The following PPARG variants were observed in gnomAD, a reference collection of about 807,000 sequenced individuals.
PPARG encodes the protein peroxisome proliferator activated receptor gamma.
A neutral mutation model predicts 39.2 loss-of-function variants in PPARG; 17 were observed. That is an observed-to-expected ratio of 0.43 (90% CI 0.30 to 0.65). The LOEUF is 0.65. PPARG is among the 30% of genes least tolerant of loss of function. The pLI, the probability that PPARG is intolerant of heterozygous loss-of-function variation, is 0.13. For synonymous variants in PPARG, 223 were observed against 215.7 expected (o/e 1.03, Z -0.30); for missense variants, 406 against 585.9 (o/e 0.69, Z 3.17).
intron 1 of PPARG, among the ~76,000 whole-genome samples, chr3:12,305,280 A>G (rs1348879925): frequency 6.6e-6 from 1 of 152,180 alleles, no homozygotes; most frequent in Non-Finnish European, 1.5e-5. Flanking sequence ...CACATGATCA[A>G]ATAGGGATTT....
intron 2 of PPARG, among the ~76,000 whole-genome samples, chr3:12,330,251 C>T (rs2047815576): frequency 6.8e-6 from 1 of 148,062 alleles, no homozygotes; most frequent in Non-Finnish European, 1.5e-5. Context: ...TGCATTCCCA[C>T]TGCAATATAT....
chr3:12,406,227 T>G, intron 6 of PPARG, 146 bp downstream of exon 6: 1 of 832,442 alleles, frequency 1.2e-6, no homozygotes, highest in Non-Finnish European at 2.0e-6. Context: ...AGGCTGAGTC[T>G]GAAACGCAGG....
intron 2 of PPARG, among the ~76,000 whole-genome samples, chr3:12,377,658 T>A (rs996984446): frequency 6.6e-6 from 1 of 152,146 alleles, no homozygotes; most frequent in African/African-American, 2.4e-5. Context: ...ATAGCAAAAA[T>A]TTCATCCTAA....
At chr3:12,290,292 A>G (rs529579329) in intron 1 of PPARG, among the ~76,000 whole-genome samples, 1 of 152,216 alleles carries the variant, frequency 6.6e-6, no homozygotes, top group South Asian at 2.1e-4. Context: ...GTTTTGTAGA[A>G]TCCCAGGCTG....
At chr3:12,407,493 T>C (rs2050713893) in intron 6 of PPARG, among the ~76,000 whole-genome samples, 1 of 152,092 alleles carries the variant, frequency 6.6e-6, no homozygotes, top group Non-Finnish European at 1.5e-5. Flanking sequence ...AGGGTTTGGC[T>C]TTGATTCTGA....
chr3:12,375,245 G>GGAGAGA (rs141166078), intron 2 of PPARG, among the ~76,000 whole-genome samples: 4 of 147,922 alleles, frequency 2.7e-5, no homozygotes, highest in African/African-American at 9.9e-5. Context: ...TGGGGAGGTG[G>GGAGAGA]GAGAGAGAGA....
chr3:12,352,388 G>A (rs1048863201), intron 2 of PPARG, among the ~76,000 whole-genome samples: 3 of 152,186 alleles, frequency 2.0e-5, no homozygotes, highest in African/African-American at 4.8e-5. Context: ...CTCTTCAGAT[G>A]TGTCAGAATC....
At chr3:12,390,726 G>T (rs932132915) in intron 4 of PPARG, among the ~76,000 whole-genome samples, 1 of 139,428 alleles carries the variant, frequency 7.2e-6, no homozygotes, top group African/African-American at 2.7e-5. Flanking sequence ...GCTTACTGCA[G>T]TTAGACCTCC....
At chr3:12,384,942 A>G (rs1167673099) in intron 4 of PPARG, among the ~76,000 whole-genome samples, 3 of 152,112 alleles carry the variant, frequency 2.0e-5, no homozygotes, top group African/African-American at 7.2e-5. Flanking sequence ...AAAAGAGTAA[A>G]GGGATCTTGC....
At chr3:12,400,261 T>C (rs982266189) in intron 5 of PPARG, among the ~76,000 whole-genome samples, 8 of 152,266 alleles carry the variant, frequency 5.3e-5, no homozygotes, top group African/African-American at 1.4e-4. Flanking sequence ...AGCATTTGTC[T>C]TTAATGCTTC....
Position 12,434,288 on chromosome 3 carries a change from T to C in PPARG, c.*143T>C, listed in dbSNP as rs1215414147. The C allele has an allele frequency of 4.7e-6, 5 of 1,054,484 alleles. No individual in the cohort carries two copies. The highest frequency in any genetic ancestry group is 7.0e-6 in the Non-Finnish European group (5 of 718,000). The allele number at this position is 1,054,484 out of a possible 1,614,324, so 65.3% of individuals were successfully genotyped here. A position where few individuals can be genotyped will look rare whatever the true frequency, so the allele number is the denominator to read the frequency against. ...AATATGATCTATTTTATGCATATTG[T>C]TTATAAAGACACATTTACAATTTAC... On this transcript the variant is annotated 3_prime_UTR_variant, in exon 8 of 8. Transcript: ENST00000651735. This position sits in a 1 kb window ranked among gnomAD's most constrained non-coding sequence, Gnocchi z 4.2.
chr3:12,396,207 C>T (rs748145430), intron 5 of PPARG, among the ~76,000 whole-genome samples: 6 of 151,984 alleles, frequency 3.9e-5, no homozygotes, highest in Non-Finnish European at 5.9e-5. Context: ...CTGCAACCTC[C>T]GCCTCCCAGG....
At position 12,407,071 on chromosome 3, in the gene PPARG, A is replaced by C. The variant is rs561994083; in HGVS notation, c.729+990A>C. On this transcript the variant is annotated intron_variant, in intron 6 of 7. Coordinates refer to ENST00000651735, the MANE Select transcript of PPARG (RefSeq NM_138711.6). ...GAAACTGAGAAAACAACATGGAATT[A>C]TAGAATAAAATTGTACCTGAATTCT... is the stretch of plus-strand genomic sequence containing the variant. Among the ~76,000 whole-genome samples the C allele has an allele frequency of 2.0e-5, 3 of 152,334 alleles. No individual in the cohort carries two copies. The East Asian group carries it at 5.8e-4, about 29-fold the overall frequency.
At chr3:12,293,203 G>C (rs2046692702) in intron 1 of PPARG, among the ~76,000 whole-genome samples, 1 of 152,144 alleles carries the variant, frequency 6.6e-6, no homozygotes, top group Non-Finnish European at 1.5e-5. Flanking sequence ...CCATTAAGTG[G>C]AGATTTTAAA....
intron 2 of PPARG, among the ~76,000 whole-genome samples, chr3:12,376,760 C>T (rs2049427750): frequency 1.3e-5 from 2 of 152,154 alleles, no homozygotes. Context: ...AACTTCACAG[C>T]TATCTCATTA....
intron 5 of PPARG, among the ~76,000 whole-genome samples, chr3:12,397,814 C>T (rs1258827059): frequency 2.0e-5 from 3 of 152,064 alleles, no homozygotes; most frequent in East Asian, 1.9e-4. Context: ...TGTGGCAGTA[C>T]ATGTTTGCTC....
intron 5 of PPARG, among the ~76,000 whole-genome samples, chr3:12,393,489 C>T (rs937017990): frequency 6.6e-6 from 1 of 151,944 alleles, no homozygotes; most frequent in East Asian, 1.9e-4. Context: ...GGAAGACAAA[C>T]GTGTTTGAAA....
At chr3:12,415,102 C>G (rs1333983435) in intron 6 of PPARG, among the ~76,000 whole-genome samples, 1 of 152,198 alleles carries the variant, frequency 6.6e-6, no homozygotes, top group Non-Finnish European at 1.5e-5. Context: ...TGCACCTTCT[C>G]TCCTTTCAGG....
chr3:12,373,373 A>C (rs1376598459), intron 2 of PPARG, among the ~76,000 whole-genome samples: 1 of 152,146 alleles, frequency 6.6e-6, no homozygotes, highest in Non-Finnish European at 1.5e-5. Context: ...TTTCTTTCTT[A>C]CTTTGTCCTT....
Sources: allele counts gnomAD v4.1 joint callset (sites outside exome capture counted in the v4.1 genomes callset), GRCh38; gene constraint gnomAD v4.1.1; non-coding constraint Gnocchi (gnomAD v3.1); transcripts MANE v1.5; gene names NCBI Gene and HGNC (gene_info 2026-07-23, HGNC 2026-07-21).